RTN1: variants seen among roughly 807,000 people sequenced by gnomAD.
The protein encoded by RTN1 is reticulon-1.
Under a neutral mutation model 65.5 loss-of-function variants are expected in RTN1, and 25 were observed. The observed-to-expected ratio is 0.38, with a 90% CI of 0.28 to 0.53. The LOEUF (loss-of-function observed/expected upper bound fraction) is 0.53. Among genes scored for constraint, RTN1 ranks in the 20% least tolerant of loss-of-function variants. The pLI is 0.79. For missense variants in RTN1, 983 were observed against 1,025.4 expected (o/e 0.96, Z 0.57); for synonymous variants, 471 against 447.6 (o/e 1.05, Z -0.66).
At chr14:59,694,187 G>T (rs1415991985) in intron 3 of RTN1, among the ~76,000 whole-genome samples, 1 of 152,150 alleles carries the variant, frequency 6.6e-6, no homozygotes, top group East Asian at 1.9e-4. Context: ...GGTCATTCAT[G>T]ACTTTGTTTT....
chr14:59,607,646 C>CTT (rs1666298863), intron 3 of RTN1, 154 bp from the exon 4 acceptor site: 1 of 646,820 alleles, frequency 1.5e-6, no homozygotes, highest in Non-Finnish European at 2.8e-6. Flanking sequence ...GTGCCAAGGG[C>CTT]ACTTACTGTC....
At chr14:59,749,288 CTA>C (rs1286292400) in intron 1 of RTN1, among the ~76,000 whole-genome samples, 380 of 24,162 alleles carry the variant, frequency 0.016, 105 homozygotes, top group Non-Finnish European at 0.021. Context: ...CTATATATAT[CTA>C]TATATATCTA....
At chr14:59,630,596 G>A (rs893603773) in intron 3 of RTN1, 3 of 1,589,496 alleles carry the variant, frequency 1.9e-6, no homozygotes, top group Non-Finnish European at 2.6e-6. Flanking sequence ...GGCTGGGCTC[G>A]CAGTGGCCGC....
In RTN1 at chr14:59,870,355, C is replaced by T. The variant is rs777548516; in HGVS notation, c.241+35G>A. 3.4e-6 allele frequency: 5 copies of T among 1,465,566 alleles called. No homozygotes were observed. In the South Asian group the frequency reaches 7.0e-5, roughly 20 times the overall value. 90.8% of individuals were successfully genotyped at this position (1,465,566 alleles called of 1,614,324 possible). Reference sequence around the variant, plus strand: ...GGACTGACTGGGGGGCCCTGGTCCCCGACGCCATTTGAGGGGCAGCGGCGC... The same window carrying T: ...GGACTGACTGGGGGGCCCTGGTCCCTGACGCCATTTGAGGGGCAGCGGCGC... On this transcript the variant is annotated intron_variant, in intron 1 of 8. Transcript: ENST00000267484. This position sits in a 1 kb window ranked among gnomAD's most constrained non-coding sequence, Gnocchi z 5.1.
chr14:59,841,719 A>C (rs1887317051), intron 1 of RTN1, among the ~76,000 whole-genome samples: 2 of 150,716 alleles, frequency 1.3e-5, no homozygotes, highest in African/African-American at 4.9e-5. Flanking sequence ...AAAAAAACAA[A>C]AAAAAAAACA....
At chr14:59,733,091 T>TTA (rs2139487226) in intron 2 of RTN1, among the ~76,000 whole-genome samples, 1 of 112,154 alleles carries the variant, frequency 8.9e-6, no homozygotes, top group African/African-American at 3.6e-5. Flanking sequence ...TTTTTTTTTT[T>TTA]TCTTTCTTTC....
intron 1 of RTN1, among the ~76,000 whole-genome samples, chr14:59,785,888 G>C (rs1428802743): frequency 6.6e-6 from 1 of 152,124 alleles, no homozygotes; most frequent in Non-Finnish European, 1.5e-5. Context: ...GTTCTCTCTT[G>C]AGAGAGTTTA....
intron 1 of RTN1, among the ~76,000 whole-genome samples, chr14:59,799,555 A>G (rs551047922): frequency 6.6e-6 from 1 of 152,228 alleles, no homozygotes; most frequent in Non-Finnish European, 1.5e-5. Context: ...AATATGATAA[A>G]TCAAATTTAA....
intron 1 of RTN1, among the ~76,000 whole-genome samples, chr14:59,852,200 C>T (rs1471453217): frequency 6.6e-6 from 1 of 152,114 alleles, no homozygotes; most frequent in Middle Eastern, 3.2e-3. Flanking sequence ...ATAGGGGCTA[C>T]AATCTAGTTA....
intron 2 of RTN1, among the ~76,000 whole-genome samples, chr14:59,736,344 T>C (rs1278577429): frequency 6.6e-6 from 1 of 151,948 alleles, no homozygotes; most frequent in Non-Finnish European, 1.5e-5. Flanking sequence ...AAGGGAGATA[T>C]CACCACTGAC....
chr14:59,761,316 TG>T (rs903588514), intron 1 of RTN1, among the ~76,000 whole-genome samples: 5 of 152,178 alleles, frequency 3.3e-5, no homozygotes, highest in African/African-American at 1.2e-4. Flanking sequence ...AATTAAATCA[TG>T]GGGGCGGTTT....
At chr14:59,707,680 C>A (rs1594690714) in intron 3 of RTN1, among the ~76,000 whole-genome samples, 1 of 151,518 alleles carries the variant, frequency 6.6e-6, no homozygotes, top group East Asian at 1.9e-4. Flanking sequence ...TTCTCTCTCT[C>A]TCTCTCTTTC....
chr14:59,747,678 A>G (rs1355739553), intron 1 of RTN1, among the ~76,000 whole-genome samples: 1 of 152,248 alleles, frequency 6.6e-6, no homozygotes, highest in East Asian at 1.9e-4. Context: ...AAATTCTACC[A>G]GAAGGTATGA....
chr14:59,823,276 T>C (rs907947438), intron 1 of RTN1, among the ~76,000 whole-genome samples: 10 of 148,402 alleles, frequency 6.7e-5, no homozygotes, highest in East Asian at 2.0e-4. Flanking sequence ...CCTTGTCCCC[T>C]TTTTTTTTTA....
chr14:59,740,619 G>A (rs1885097794), intron 2 of RTN1, among the ~76,000 whole-genome samples: 1 of 152,046 alleles, frequency 6.6e-6, no homozygotes. Context: ...GGGAGAAAAG[G>A]GTCTGAGGAG....
intron 1 of RTN1, among the ~76,000 whole-genome samples, chr14:59,765,965 C>T (rs894547053): frequency 6.6e-6 from 1 of 152,208 alleles, no homozygotes; most frequent in Non-Finnish European, 1.5e-5. Context: ...CATGGTGGCT[C>T]ACGCCTGTAA....
intron 1 of RTN1, among the ~76,000 whole-genome samples, chr14:59,787,159 T>G (rs1300684897): frequency 2.0e-5 from 3 of 152,164 alleles, no homozygotes; most frequent in African/African-American, 7.2e-5. Flanking sequence ...AATAATGTTA[T>G]AAATGATGAT....
In RTN1 at chr14:59,674,733, T is replaced by C. The variant is rs185148599; in HGVS notation, c.1765+52186A>G. ...CTTTATACTGTAGAAAGAAAAAACC[T>C]GGACATTGTATAATTCTGAAATGAA... On this transcript the variant is annotated intron_variant, in intron 3 of 8. Coordinates refer to ENST00000267484, the MANE Select transcript of RTN1 (RefSeq NM_021136.3). 6.1e-3 allele frequency among the ~76,000 whole-genome samples: 936 copies of C among 152,274 alleles called. 6 individuals are homozygous for C. Among genetic ancestry groups the C allele is most frequent in the African/African-American group, 0.021 (887 of 41,552 alleles).
At chr14:59,614,127 T>C (rs1263237063) in intron 3 of RTN1, among the ~76,000 whole-genome samples, 1 of 152,154 alleles carries the variant, frequency 6.6e-6, no homozygotes, top group Non-Finnish European at 1.5e-5. Flanking sequence ...GATTACAAAA[T>C]GGGCTGATTG....
Sources: allele counts gnomAD v4.1 joint callset (sites outside exome capture counted in the v4.1 genomes callset), GRCh38; gene constraint gnomAD v4.1.1; non-coding constraint Gnocchi (gnomAD v3.1); transcripts MANE v1.5; gene names NCBI Gene and HGNC (gene_info 2026-07-23, HGNC 2026-07-21).